Variants in KCNIP4 observed in about 807,000 individuals in gnomAD.
KCNIP4 encodes the protein potassium voltage-gated channel interacting protein 4, also known as Kv channel-interacting protein 4.
KCNIP4 carries 12 observed loss-of-function variants against 34.0 expected under a neutral mutation model. The observed-to-expected ratio is 0.35, with a 90% CI of 0.23 to 0.57. KCNIP4 has a LOEUF of 0.57. Among genes scored for constraint, KCNIP4 ranks in the 20% least tolerant of loss-of-function variants. KCNIP4 has a pLI of 0.83. For missense variants in KCNIP4, 238 were observed against 311.7 expected (o/e 0.76, Z 1.78); for synonymous variants, 124 against 102.2 (o/e 1.21, Z -1.29).
chr4:20,799,485 C>T (rs73802339), intron 3 of KCNIP4, among the ~76,000 whole-genome samples: 4,629 of 152,252 alleles, frequency 0.03, 197 homozygotes, highest in African/African-American at 0.095. Context: ...GTGCCACTAC[C>T]ATCTCCAGGA....
chr4:21,397,138 G>A (rs1723077608), intron 1 of KCNIP4, among the ~76,000 whole-genome samples: 1 of 152,168 alleles, frequency 6.6e-6, no homozygotes. Flanking sequence ...AGAAGATAGA[G>A]TCACATATTC....
chr4:21,563,064 A>G (rs13152800), intron 1 of KCNIP4, among the ~76,000 whole-genome samples: 14,682 of 152,002 alleles, frequency 0.097, 803 homozygotes, highest in Middle Eastern at 0.19. Flanking sequence ...GGTTGGTCTG[A>G]TGTTTTAAAT....
At chr4:20,791,800 T>C (rs192063672) in intron 3 of KCNIP4, among the ~76,000 whole-genome samples, 99 of 152,296 alleles carry the variant, frequency 6.5e-4, no homozygotes, top group Admixed American at 5.9e-3. Context: ...ATCTAAATCT[T>C]TGAGTAAAGT....
chr4:20,977,041 C>T (rs1028428940), intron 1 of KCNIP4, among the ~76,000 whole-genome samples: 7 of 152,090 alleles, frequency 4.6e-5, no homozygotes, highest in Admixed American at 2.0e-4. Flanking sequence ...CCATGTTGGT[C>T]AGGCTGGTCT....
intron 1 of KCNIP4, among the ~76,000 whole-genome samples, chr4:21,053,114 G>A (rs1472714459): frequency 6.6e-6 from 1 of 151,632 alleles, no homozygotes; most frequent in Admixed American, 6.6e-5. Flanking sequence ...CAGACCAAAG[G>A]GACCACACAG....
At chr4:21,854,854 T>C (rs1169085951) in intron 1 of KCNIP4, among the ~76,000 whole-genome samples, 1 of 152,358 alleles carries the variant, frequency 6.6e-6, no homozygotes, top group East Asian at 1.9e-4. Context: ...ACATTTGTTC[T>C]ATTTCATTTC....
At chr4:20,924,913 G>A (rs1312817996) in intron 1 of KCNIP4, among the ~76,000 whole-genome samples, 1 of 152,192 alleles carries the variant, frequency 6.6e-6, no homozygotes, top group Non-Finnish European at 1.5e-5. Flanking sequence ...CCTTCAGGTG[G>A]GTTAGTAATG....
chr4:21,442,720 T>C (rs1727597580), intron 1 of KCNIP4, among the ~76,000 whole-genome samples: 1 of 152,200 alleles, frequency 6.6e-6, no homozygotes, highest in African/African-American at 2.4e-5. Context: ...TGTCTCAGGG[T>C]TCAGCTCATG....
intron 1 of KCNIP4, among the ~76,000 whole-genome samples, chr4:21,594,100 A>G (rs942489189): frequency 6.6e-6 from 1 of 152,072 alleles, no homozygotes; most frequent in Non-Finnish European, 1.5e-5. Context: ...GAAAGATACA[A>G]TACCAAATTT....
intron 1 of KCNIP4, chr4:21,656,866 C>T (rs1393829810): frequency 4.6e-5 from 7 of 152,196 alleles, no homozygotes; most frequent in African/African-American, 1.7e-4. Flanking sequence ...TTTATGTGAG[C>T]TATTCTGCCA....
intron 3 of KCNIP4, among the ~76,000 whole-genome samples, chr4:20,776,395 C>T (rs73802320): frequency 0.032 from 4,869 of 152,208 alleles, 224 homozygotes; most frequent in African/African-American, 0.1. Context: ...AGGAGCTCTA[C>T]TTTCGGTTTC....
intron 1 of KCNIP4, among the ~76,000 whole-genome samples, chr4:20,996,816 T>C (rs1737597567): frequency 6.6e-6 from 1 of 152,144 alleles, no homozygotes; most frequent in South Asian, 2.1e-4. Context: ...ATCCCACTTG[T>C]GTAGATGCTC....
rs140210861 is a variant in KCNIP4, at chr4:21,426,036, C to T, written c.61+522535G>A. On this transcript the variant is annotated intron_variant, in intron 1 of 8. Transcript: ENST00000382152. ...GCCACTCACTGCACTCCAGCCTGGG[C>T]GACAGAGTGAGATCCTGTCTCAAAC... is the stretch of plus-strand genomic sequence containing the variant. Among the ~76,000 whole-genome samples the T allele has an allele frequency of 1.2e-4, 18 of 152,004 alleles. No individual in the cohort carries two copies. The East Asian group carries it at 3.1e-3, about 26-fold the overall frequency.
intron 1 of KCNIP4, among the ~76,000 whole-genome samples, chr4:21,038,814 T>C (rs1577578508): frequency 6.6e-6 from 1 of 152,148 alleles, no homozygotes; most frequent in African/African-American, 2.4e-5. Context: ...AGAGGGATTG[T>C]TAATTTGCTC....
chr4:21,924,147 T>TAAA (rs1729096432), intron 1 of KCNIP4, among the ~76,000 whole-genome samples: 1 of 152,148 alleles, frequency 6.6e-6, no homozygotes, highest in South Asian at 2.1e-4. Flanking sequence ...TGTTTCTTGT[T>TAAA]GAAGAAAGAA....
At chr4:21,501,106 C>T (rs1733288799) in intron 1 of KCNIP4, among the ~76,000 whole-genome samples, 1 of 152,060 alleles carries the variant, frequency 6.6e-6, no homozygotes, top group African/African-American at 2.4e-5. Context: ...TCATGAGGCA[C>T]CTCCTCATGT....
chr4:21,923,508 G>A (rs559182905), intron 1 of KCNIP4, among the ~76,000 whole-genome samples: 1 of 152,306 alleles, frequency 6.6e-6, no homozygotes, highest in African/African-American at 2.4e-5. Context: ...TTGAATCCAG[G>A]AGGTAGAGAT....
At chr4:21,094,544 G>T (rs1471849034) in intron 1 of KCNIP4, among the ~76,000 whole-genome samples, 2 of 152,140 alleles carry the variant, frequency 1.3e-5, no homozygotes, top group Non-Finnish European at 2.9e-5. Flanking sequence ...AATAAGAATT[G>T]CCAGGGTCCC....
intron 1 of KCNIP4, among the ~76,000 whole-genome samples, chr4:21,217,082 C>T (rs915776052): frequency 8.6e-5 from 13 of 152,038 alleles, no homozygotes; most frequent in Admixed American, 2.6e-4. Flanking sequence ...TTACGAGCTA[C>T]GAAGTAGATG....
Sources: gnomAD v4.1 joint callset for allele counts (sites outside exome capture counted in the v4.1 genomes callset) on GRCh38, gnomAD v4.1.1 for gene constraint, MANE v1.5 for transcripts, NCBI Gene and HGNC (gene_info 2026-07-23, HGNC 2026-07-21) for gene names.